MGAT4C: variants seen among roughly 807,000 people sequenced by gnomAD.
The protein encoded by MGAT4C is alpha-1,3-mannosyl-glycoprotein 4-beta-N-acetylglucosaminyltransferase C.
Under a neutral mutation model 40.1 loss-of-function variants are expected in MGAT4C, and 19 were observed. The observed-to-expected ratio is 0.47, with a 90% CI of 0.33 to 0.70. The LOEUF (loss-of-function observed/expected upper bound fraction) is 0.70, where lower values mean the gene tolerates loss of function less well. MGAT4C is among the 30% of genes least tolerant of loss of function. The pLI, the probability that MGAT4C is intolerant of heterozygous loss-of-function variation, is 0.02. For missense variants in MGAT4C, 491 were observed against 563.2 expected, an observed-to-expected ratio of 0.87 and a Z score of 1.30; for synonymous variants, 181 against 187.1, an observed-to-expected ratio of 0.97 and a Z score of 0.27.
chr12:86,801,969 A>T (rs1315248038), intron 1 of MGAT4C, among the ~76,000 whole-genome samples: 1 of 152,040 alleles, frequency 6.6e-6, no homozygotes, highest in South Asian at 2.1e-4. Context: ...GTTTTCTACC[A>T]GCCACTAACT....
At chr12:86,079,275 TA>T (rs1161566391) in intron 1 of MGAT4C, among the ~76,000 whole-genome samples, 4 of 152,142 alleles carry the variant, frequency 2.6e-5, no homozygotes, top group Non-Finnish European at 5.9e-5. Flanking sequence ...CTCAATGGAA[TA>T]AAAAAGCACA....
At chr12:86,296,667 G>A (rs1953686982) in intron 4 of MGAT4C, among the ~76,000 whole-genome samples, 2 of 152,190 alleles carry the variant, frequency 1.3e-5, no homozygotes, top group Admixed American at 6.5e-5. Flanking sequence ...CTCACTGCCT[G>A]GGGCCCGCAG....
At chr12:86,259,235 A>G (rs1273623277), upstream of MGAT4C, among the ~76,000 whole-genome samples, 2 of 151,932 alleles carry the variant, frequency 1.3e-5, no homozygotes, top group African/African-American at 2.4e-5. Flanking sequence ...ACTAAACTTC[A>G]AGACCTTTCA....
intron 2 of MGAT4C, among the ~76,000 whole-genome samples, chr12:86,580,851 AG>A (rs1960752414): frequency 6.6e-6 from 1 of 151,514 alleles, no homozygotes; most frequent in Non-Finnish European, 1.5e-5. Context: ...CTCATTTAAG[AG>A]CAAAAAAGGG....
At chr12:86,743,151 G>T (rs1302914363) in intron 1 of MGAT4C, among the ~76,000 whole-genome samples, 1 of 124,388 alleles carries the variant, frequency 8.0e-6, no homozygotes, top group Non-Finnish European at 1.7e-5. Context: ...TGTGTGTATA[G>T]AAGTGTCATT....
rs1257084147 is a variant in MGAT4C, at chr12:86,270,688, C to T, written c.-57+63377G>A. On this transcript the variant is annotated intron_variant, in intron 4 of 7. Coordinates refer to the MGAT4C transcript ENST00000548651. ...AAACAATTTAAAAATTTATATGTAACCGAAAAAGAAAAGTGCAAATAGTGC... is the reference window on the plus strand; with the variant it reads ...AAACAATTTAAAAATTTATATGTAATCGAAAAAGAAAAGTGCAAATAGTGC... Among the ~76,000 whole-genome samples, 5 of 152,078 alleles carry T rather than the reference C, an allele frequency of 3.3e-5. No individual in the cohort carries two copies. The East Asian group carries it at 7.7e-4, about 23-fold the overall frequency.
rs140638819 is a variant in MGAT4C, at chr12:86,770,076, A to G, written c.-261-42835T>C. 6.4e-3 allele frequency among the ~76,000 whole-genome samples: 970 copies of G among 152,206 alleles called. 11 individuals are homozygous for G. The highest frequency in any genetic ancestry group is 0.022 in the African/African-American group (926 of 41,544). ...TTCCATTAAAAATTTTATAATCAAT[A>G]GATTAGTATATGATGTTAATTCTTA... is the stretch of plus-strand genomic sequence containing the variant. On this transcript the variant is annotated intron_variant, in intron 1 of 7. Transcript: ENST00000548651.
At chr12:86,498,755 C>T (rs189721073) in intron 2 of MGAT4C, among the ~76,000 whole-genome samples, 1 of 152,054 alleles carries the variant, frequency 6.6e-6, no homozygotes, top group East Asian at 1.9e-4. Flanking sequence ...ACCACTTTAC[C>T]TCTTCAGTAA....
chr12:86,127,148 G>A (rs952987580), intron 1 of MGAT4C, among the ~76,000 whole-genome samples: 3 of 152,118 alleles, frequency 2.0e-5, no homozygotes, highest in African/African-American at 4.8e-5. Flanking sequence ...ACAGATCAGC[G>A]GCACAGGGGT....
chr12:86,792,703 G>A (rs1031374343), intron 1 of MGAT4C, among the ~76,000 whole-genome samples: 6 of 152,010 alleles, frequency 3.9e-5, no homozygotes, highest in Admixed American at 3.3e-4. Context: ...AGGCCGAGGC[G>A]GGTGGATCAC....
intron 4 of MGAT4C, among the ~76,000 whole-genome samples, chr12:86,311,597 T>C (rs971497006): frequency 1.2e-4 from 19 of 152,176 alleles, no homozygotes; most frequent in African/African-American, 4.6e-4. Flanking sequence ...TTCATGGGTA[T>C]GGCATCACTG....
intron 2 of MGAT4C, among the ~76,000 whole-genome samples, chr12:86,041,787 A>G (rs554803653): frequency 2.6e-5 from 4 of 152,250 alleles, no homozygotes; most frequent in African/African-American, 9.6e-5. Flanking sequence ...AAAAGAATGT[A>G]TATTCTGTTG....
At chr12:86,511,753 T>C (rs1007933450) in intron 2 of MGAT4C, among the ~76,000 whole-genome samples, 14 of 152,126 alleles carry the variant, frequency 9.2e-5, no homozygotes, top group Non-Finnish European at 1.6e-4. Flanking sequence ...CAATGCAAGA[T>C]GGATTAGATG....
chr12:86,465,355 A>G (rs78497178), intron 2 of MGAT4C, among the ~76,000 whole-genome samples: 9,822 of 152,162 alleles, frequency 0.065, 760 homozygotes, highest in East Asian at 0.24. Flanking sequence ...GGAATAATCT[A>G]TGAAAGAAAG....
intron 2 of MGAT4C, among the ~76,000 whole-genome samples, chr12:86,500,577 T>C (rs1386513522): frequency 6.6e-6 from 1 of 151,952 alleles, no homozygotes; most frequent in South Asian, 2.1e-4. Flanking sequence ...TACATTAATA[T>C]ATAAATGCAA....
chr12:86,071,635 A>G (rs1320145696), intron 1 of MGAT4C, among the ~76,000 whole-genome samples: 2 of 152,114 alleles, frequency 1.3e-5, no homozygotes, highest in Non-Finnish European at 2.9e-5. Context: ...ATCAGGTAAT[A>G]TGGTAGCAAT....
chr12:86,660,346 T>A (rs1271582882), intron 2 of MGAT4C, among the ~76,000 whole-genome samples: 1 of 152,070 alleles, frequency 6.6e-6, no homozygotes, highest in African/African-American at 2.4e-5. Flanking sequence ...AAGAAAGCAA[T>A]CTCCTTCTTT....
chr12:86,641,807 C>T (rs1487316887), intron 2 of MGAT4C, among the ~76,000 whole-genome samples: 1 of 151,670 alleles, frequency 6.6e-6, no homozygotes, highest in Non-Finnish European at 1.5e-5. Context: ...AAATATAGTC[C>T]TGATTGGGAA....
intron 4 of MGAT4C, among the ~76,000 whole-genome samples, chr12:86,295,465 G>A (rs1265023811): frequency 2.0e-5 from 3 of 152,152 alleles, no homozygotes; most frequent in Non-Finnish European, 2.9e-5. Context: ...GAGTGAAGCT[G>A]CAGATTTTCG....
Sources: gnomAD v4.1 joint callset for allele counts (sites outside exome capture counted in the v4.1 genomes callset) on GRCh38, gnomAD v4.1.1 for gene constraint, MANE v1.5 for transcripts, NCBI Gene and HGNC (gene_info 2026-07-23, HGNC 2026-07-21) for gene names.